TRIM32: variants seen among roughly 807,000 people sequenced by gnomAD.
TRIM32 encodes the protein E3 ubiquitin-protein ligase TRIM32.
A neutral mutation model predicts 36.0 loss-of-function variants in TRIM32; 19 were observed. The observed-to-expected ratio is 0.53, with a 90% confidence interval of 0.37 to 0.77. The LOEUF (loss-of-function observed/expected upper bound fraction) is 0.77, where lower values mean the gene tolerates loss of function less well. Among genes scored for constraint, TRIM32 ranks in the 30% least tolerant of loss-of-function variants. TRIM32 has a pLI of 0.00. For synonymous variants in TRIM32, 309 were observed against 318.5 expected, an observed-to-expected ratio of 0.97 and a Z score of 0.32; for missense variants, 747 against 845.2, an observed-to-expected ratio of 0.88 and a Z score of 1.44.
chr9:116,694,886 ATG>A (rs901277501), intron 1 of TRIM32, among the ~76,000 whole-genome samples: 8 of 152,108 alleles, frequency 5.3e-5, no homozygotes, highest in Non-Finnish European at 1.0e-4. Flanking sequence ...CTCATGATAT[ATG>A]GTAAATATTA....
chr9:116,697,146 A>G (rs1282115682), intron 1 of TRIM32, among the ~76,000 whole-genome samples: 1 of 152,162 alleles, frequency 6.6e-6, no homozygotes, highest in Non-Finnish European at 1.5e-5. Flanking sequence ...GTGGACTTGC[A>G]TGTTATACTT....
At position 116,698,243 on chromosome 9, in the gene TRIM32, G is replaced by A. The variant is rs200085883; in HGVS notation, c.501G>A (p.Lys167=). 105 of 1,614,024 alleles carry A rather than the reference G, an allele frequency of 6.5e-5. No individual in the cohort carries two copies. Among genetic ancestry groups the A allele is most frequent in the Middle Eastern group, 3.3e-4 (2 of 6,084 alleles). ...RELMGELQRR[K]AALEGVSKDL... is the part of the protein sequence containing the mutation. The stretch of plus-strand genomic sequence containing the variant: ...TTATGGGGGAGCTGCAGCGGCGGAA[G>A]GCAGCCTTGGAAGGTGTCTCCAAGG... The change falls in exon 2 of 2, where the codon AAG becomes AAA. Residue 167 remains lysine (K), a synonymous_variant. Transcript: ENST00000450136. This position sits in a 1 kb window ranked among gnomAD's most constrained non-coding sequence, Gnocchi z 4.4.
chr9:116,690,312 A>G (rs1240083162), intron 1 of TRIM32, among the ~76,000 whole-genome samples: 1 of 152,236 alleles, frequency 6.6e-6, no homozygotes, highest in East Asian at 1.9e-4. Flanking sequence ...TACAGATAAG[A>G]AAAATAACAG....
At chr9:116,695,716 C>T (rs62574187) in intron 1 of TRIM32, among the ~76,000 whole-genome samples, 17,822 of 152,168 alleles carry the variant, frequency 0.12, 1,200 homozygotes, top group Middle Eastern at 0.18. Flanking sequence ...ACTTGCTAGA[C>T]CTATTCATTC....
chr9:116,698,393 T>TAGTC lies in TRIM32; in HGVS notation c.653_656dup (p.Val220SerfsTer11). On this transcript the variant is annotated frameshift_variant, in exon 2 of 2. Transcript: ENST00000450136. LOFTEE classifies it high-confidence loss of function. This position sits in a 1 kb window ranked among gnomAD's most constrained non-coding sequence, Gnocchi z 4.4. ...CTTTGGCTGAAGTTGAGAAGTCCAA[T>TAGTC]AGTCAAGTGGTAGAGGAGCAGAGTT... is the stretch of plus-strand genomic sequence containing the variant. 6.2e-7 allele frequency: 1 copy of TAGTC among 1,614,026 alleles called. No individual in the cohort carries two copies. The highest frequency in any genetic ancestry group is 1.3e-5 in the African/African-American group (1 of 75,004).
Position 116,698,435 on chromosome 9 carries a change from A to C in TRIM32, c.693A>C (p.Ala231=), listed in dbSNP as rs368455215. 43 of 1,613,988 alleles carry C rather than the reference A, an allele frequency of 2.7e-5. No homozygotes were observed. The highest frequency in any genetic ancestry group is 2.3e-5 in the Non-Finnish European group (27 of 1,180,028). ...AGCAGAGTTACCTGCTTAACATTGC[A>C]GAGGTGCAGGCTGTGTCTCGCTGTG... is the stretch of plus-strand genomic sequence containing the variant. ...VEEQSYLLNI[A]EVQAVSRCDY... The change falls in exon 2 of 2, where the codon GCA becomes GCC. Residue 231 remains alanine, a synonymous_variant. Transcript: ENST00000450136. The surrounding 1 kb of genome is among the most constrained non-coding windows in gnomAD (Gnocchi z 4.4).
intron 1 of TRIM32, among the ~76,000 whole-genome samples, chr9:116,697,215 T>C (rs1367791679): frequency 6.6e-6 from 1 of 152,238 alleles, no homozygotes; most frequent in Non-Finnish European, 1.5e-5. Flanking sequence ...TCAGAAGTTG[T>C]AAAATTCACC....
In TRIM32 at chr9:116,699,320, C is replaced by A; in HGVS notation, c.1578C>A (p.Thr526=). The change falls in exon 2 of 2, where the codon ACC becomes ACA. Residue 526 remains threonine, a synonymous_variant. Transcript: ENST00000450136. The surrounding 1 kb of genome is among the most constrained non-coding windows in gnomAD (Gnocchi z 4.2). ...PKFVTCDAEG[T]VYFTQGLGLN... ...TTGTCACCTGTGATGCTGAGGGCAC[C>A]GTCTACTTCACCCAGGGCTTAGGCC... The A allele has an allele frequency of 6.2e-7, 1 of 1,614,132 alleles. No homozygotes were observed. Among genetic ancestry groups the A allele is most frequent in the Non-Finnish European group, 8.5e-7 (1 of 1,180,024 alleles).
Position 116,699,659 on chromosome 9 carries a change from C to T in TRIM32, c.1917C>T (p.Cys639=). ...QLLVLDCWDH[C]IKIYSYHLRR... ...TGGTCTTGGACTGTTGGGATCATTG[C>T]ATCAAGATCTACAGCTACCATCTGA... is the stretch of plus-strand genomic sequence containing the variant. The change falls in exon 2 of 2, where the codon TGC becomes TGT. Residue 639 remains cysteine, a synonymous_variant. Transcript: ENST00000450136. The surrounding 1 kb of genome is among the most constrained non-coding windows in gnomAD (Gnocchi z 4.2). 5 of 1,614,174 alleles carry T rather than the reference C, an allele frequency of 3.1e-6. No homozygotes were observed. The highest frequency in any genetic ancestry group is 4.2e-6 in the Non-Finnish European group (5 of 1,180,026).
At position 116,699,911 on chromosome 9, in the gene TRIM32, T is replaced by G; in HGVS notation, c.*207T>G. On this transcript the variant is annotated 3_prime_UTR_variant, in exon 2 of 2. Coordinates refer to ENST00000450136, the MANE Select transcript of TRIM32 (RefSeq NM_012210.4). The surrounding 1 kb of genome is among the most constrained non-coding windows in gnomAD (Gnocchi z 4.2). ...CACCTAAATTTAGAGCTTTAAAAGA[T>G]GCACTGCCCAAATAGGACACACGAT... 1 of 697,348 alleles carries G rather than the reference T, an allele frequency of 1.4e-6. No individual in the cohort carries two copies. 43.2% of individuals were successfully genotyped at this position (697,348 alleles called of 1,614,324 possible).
rs946701093 is a variant in TRIM32, at chr9:116,699,384, G to A, written c.1642G>A (p.Gly548Ser). ...TCGGCAGAATGAGCACCACCTGGAG[G>A]GTGGCTTTTCCATTGGCTCTGTAGG... is the stretch of plus-strand genomic sequence containing the variant. The part of the protein sequence containing the change: ...ENRQNEHHLE[G>S]GFSIGSVGPD... The change falls in exon 2 of 2, where the codon GGT becomes AGT. Residue 548 changes from glycine to serine, a missense_variant. Transcript: ENST00000450136. The surrounding 1 kb of genome is among the most constrained non-coding windows in gnomAD (Gnocchi z 4.2). 4 of 1,614,072 alleles carry A rather than the reference G, an allele frequency of 2.5e-6. No individual in the cohort carries two copies. The highest frequency in any genetic ancestry group is 1.3e-5 in the African/African-American group (1 of 74,918).
At chr9:116,695,658 A>C (rs1860809868) in intron 1 of TRIM32, among the ~76,000 whole-genome samples, 1 of 152,212 alleles carries the variant, frequency 6.6e-6, no homozygotes, top group African/African-American at 2.4e-5. Context: ...GCACAGATAC[A>C]GCTGTAGGAT....
chr9:116,691,720 C>G (rs1860576959), intron 1 of TRIM32, among the ~76,000 whole-genome samples: 1 of 152,178 alleles, frequency 6.6e-6, no homozygotes, highest in South Asian at 2.1e-4. Context: ...TCCTCTCCCA[C>G]ACACAGGAGT....
At chr9:116,690,738 G>A (rs1401677787) in intron 1 of TRIM32, among the ~76,000 whole-genome samples, 2 of 152,124 alleles carry the variant, frequency 1.3e-5, no homozygotes, top group Middle Eastern at 3.2e-3. Flanking sequence ...TGAGACCTTG[G>A]ACAGGCTACT....
chr9:116,699,306 G>A lies in TRIM32; in HGVS notation c.1564G>A (p.Asp522Asn), dbSNP rs752667526. ...SAVRPKFVTC[D>N]AEGTVYFTQG... ...TGTGCGGCCCAAATTTGTCACCTGT[G>A]ATGCTGAGGGCACCGTCTACTTCAC... Residue 522 changes from aspartate (D) to asparagine (N), a missense_variant, in exon 2 of 2, where the codon GAT becomes AAT. Asp to Asn is a conservative substitution (Grantham distance 23). Coordinates refer to ENST00000450136, the MANE Select transcript of TRIM32 (RefSeq NM_012210.4). The surrounding 1 kb of genome is among the most constrained non-coding windows in gnomAD (Gnocchi z 4.2). 6.2e-7 allele frequency: 1 copy of A among 1,614,216 alleles called. No individual in the cohort carries two copies. The highest frequency in any genetic ancestry group is 8.5e-7 in the Non-Finnish European group (1 of 1,180,048).
Position 116,697,934 on chromosome 9 carries a change from C to T in TRIM32, c.192C>T (p.Cys64=). Reference sequence around the variant, plus strand: ...TCAATGGTGTCCGCTGTCCCTTTTGCAGCAAGATTACCCGCATAACCAGCT... The same window carrying T: ...TCAATGGTGTCCGCTGTCCCTTTTGTAGCAAGATTACCCGCATAACCAGCT... ...SSINGVRCPF[C]SKITRITSLT... Residue 64 remains cysteine (C), a synonymous_variant, in exon 2 of 2, where the codon TGC becomes TGT. Coordinates refer to ENST00000450136, the MANE Select transcript of TRIM32 (RefSeq NM_012210.4). 1 of 1,614,236 alleles carries T rather than the reference C, an allele frequency of 6.2e-7. No homozygotes were observed. Among genetic ancestry groups the T allele is most frequent in the Non-Finnish European group, 8.5e-7 (1 of 1,180,044 alleles).
rs962500789 is a variant in TRIM32 at position 116,697,853 on chromosome 9, G to T, written c.111G>T (p.Leu37=). ...FTEEQLRPKL[L]HCGHTICRQC... ...AAGAGCAGCTGCGTCCCAAGCTTCT[G>T]CACTGTGGCCATACCATCTGCCGCC... Residue 37 remains leucine, a synonymous_variant, in exon 2 of 2, where the codon CTG becomes CTT. Transcript: ENST00000450136. 6.2e-7 allele frequency: 1 copy of T among 1,614,168 alleles called. No individual in the cohort carries two copies. Among genetic ancestry groups the T allele is most frequent in the Non-Finnish European group, 8.5e-7 (1 of 1,180,036 alleles).
Position 116,699,028 on chromosome 9 carries a change from T to C in TRIM32, c.1286T>C (p.Leu429Pro). The change falls in exon 2 of 2, where the codon CTC (leucine) becomes CCC (proline). Residue 429 changes from leucine (L) to proline (P), a missense_variant. Physicochemically the swap from Leu to Pro is moderately conservative, Grantham distance 98. Transcript: ENST00000450136. The surrounding 1 kb of genome is among the most constrained non-coding windows in gnomAD (Gnocchi z 4.2). ...LSFLGADLPN[L>P]TPLSVAMNCQ... ...TTCCTTGGGGCAGATCTACCCAACC[T>C]CACTCCTCTCTCAGTGGCAATGAAC... The C allele has an allele frequency of 6.2e-7, 1 of 1,614,112 alleles. No individual in the cohort carries two copies.
chr9:116,689,684 G>A (rs1168613345), intron 1 of TRIM32, among the ~76,000 whole-genome samples: 1 of 152,180 alleles, frequency 6.6e-6, no homozygotes, highest in Non-Finnish European at 1.5e-5. Context: ...TTGCCAGTGA[G>A]TATCACTGAC....
Sources: gnomAD v4.1 joint callset for allele counts (sites outside exome capture counted in the v4.1 genomes callset) on GRCh38, gnomAD v4.1.1 for gene constraint, Gnocchi (gnomAD v3.1) non-coding constraint, MANE v1.5 for transcripts, NCBI Gene and HGNC (gene_info 2026-07-23, HGNC 2026-07-21) for gene names.